GRIK2: variants seen among roughly 807,000 people sequenced by gnomAD.
The protein encoded by GRIK2 is glutamate ionotropic receptor kainate type subunit 2, also known as glutamate receptor ionotropic, kainate 2.
A neutral mutation model predicts 100.3 loss-of-function variants in GRIK2; 32 were observed. The ratio of observed to expected loss-of-function variants is 0.32; its 90% CI spans 0.24 to 0.43. The LOEUF is 0.43. Among genes scored for constraint, GRIK2 ranks in the 20% least tolerant of loss-of-function variants. The pLI, the probability that GRIK2 is intolerant of heterozygous loss-of-function variation, is 1.00. For missense variants in GRIK2, 843 were observed against 1,114.9 expected (o/e 0.76, Z 3.47); for synonymous variants, 417 against 389.4 (o/e 1.07, Z -0.83).
intron 7 of GRIK2, among the ~76,000 whole-genome samples, chr6:101,697,741 C>G (rs954324689): frequency 6.6e-6 from 1 of 151,986 alleles, no homozygotes; most frequent in Non-Finnish European, 1.5e-5. Context: ...AAACAGTCTG[C>G]TTATTCCTTC....
chr6:101,747,206 G>A (rs531875214), intron 7 of GRIK2, among the ~76,000 whole-genome samples: 1 of 152,260 alleles, frequency 6.6e-6, no homozygotes, highest in Non-Finnish European at 1.5e-5. Context: ...ATGGGAGGAA[G>A]AATTTTAACA....
At chr6:101,708,537 C>A (rs1391670799) in intron 7 of GRIK2, among the ~76,000 whole-genome samples, 1 of 151,600 alleles carries the variant, frequency 6.6e-6, no homozygotes, top group East Asian at 1.9e-4. Context: ...CATTGTCACT[C>A]TTTAAAATTT....
chr6:102,035,685 C>T (rs1480537045), intron 15 of GRIK2, 119 bp downstream of exon 15: 2 of 612,240 alleles, frequency 3.3e-6, no homozygotes, highest in East Asian at 5.3e-5. Context: ...ATGCATCCTG[C>T]TACCTCTCTG....
intron 2 of GRIK2, among the ~76,000 whole-genome samples, chr6:101,559,639 A>C (rs762218996): frequency 3.9e-5 from 6 of 152,158 alleles, no homozygotes; most frequent in African/African-American, 7.2e-5. Flanking sequence ...TTATTATTTA[A>C]TACCTCCATC....
intron 11 of GRIK2, among the ~76,000 whole-genome samples, chr6:101,888,381 G>A (rs1280283844): frequency 1.3e-5 from 2 of 152,142 alleles, no homozygotes; most frequent in Admixed American, 1.3e-4. Flanking sequence ...GACAATTCCT[G>A]TGAAGTTCTT....
chr6:101,871,429 G>C (rs995696342), intron 11 of GRIK2, among the ~76,000 whole-genome samples: 3 of 151,354 alleles, frequency 2.0e-5, no homozygotes, highest in Admixed American at 6.6e-5. Flanking sequence ...AGATTTATTA[G>C]ATGGCTATGT....
intron 2 of GRIK2, among the ~76,000 whole-genome samples, chr6:101,518,049 A>G (rs182375924): frequency 6.6e-6 from 1 of 152,108 alleles, no homozygotes; most frequent in East Asian, 1.9e-4. Flanking sequence ...TTTAAACATG[A>G]AAAATAACTT....
At chr6:101,774,586 T>G (rs1201439375) in intron 7 of GRIK2, among the ~76,000 whole-genome samples, 1 of 152,168 alleles carries the variant, frequency 6.6e-6, no homozygotes, top group African/African-American at 2.4e-5. Flanking sequence ...GATATCTCAA[T>G]GGACTGATCT....
chr6:101,756,532 G>A (rs1011013846), intron 7 of GRIK2, among the ~76,000 whole-genome samples: 2 of 134,824 alleles, frequency 1.5e-5, no homozygotes, highest in Non-Finnish European at 3.1e-5. Flanking sequence ...TAAAAGATAC[G>A]TTTTCTCCTA....
At chr6:101,687,195 A>C (rs79685202) in intron 7 of GRIK2, among the ~76,000 whole-genome samples, 2,563 of 152,128 alleles carry the variant, frequency 0.017, 71 homozygotes, top group African/African-American at 0.059. Flanking sequence ...CATTTCAGTC[A>C]TATTTACTCT....
intron 4 of GRIK2, among the ~76,000 whole-genome samples, chr6:101,638,250 A>G (rs535363201): frequency 3.3e-4 from 49 of 150,290 alleles, no homozygotes; most frequent in Non-Finnish European, 6.2e-4. Flanking sequence ...GCACTGTTCT[A>G]GGTACCGGAG....
chr6:101,963,631 C>T (rs1223046), intron 14 of GRIK2, among the ~76,000 whole-genome samples: 3,899 of 150,422 alleles, frequency 0.026, 189 homozygotes, highest in African/African-American at 0.091. Context: ...GGATTACAGG[C>T]GTGAGCCACC....
rs759453868 is a variant in GRIK2, at chr6:102,035,497, C to T, written c.2242C>T (p.Arg748Trp). Reference sequence around the variant, plus strand: ...AACAACCATCGAGTTTGTTACCCAGCGGAACTGTAACCTGACACAGATTGG... The same window carrying T: ...AACAACCATCGAGTTTGTTACCCAGTGGAACTGTAACCTGACACAGATTGG... ...ESTTIEFVTQ[R>W]NCNLTQIGGL... The change falls in exon 15 of 17, where the codon CGG becomes TGG. Residue 748 changes from arginine to tryptophan, a missense_variant. Physicochemically the swap from Arg to Trp is moderately radical, Grantham distance 101 (BLOSUM62 -3). Coordinates refer to ENST00000369134, the MANE Select transcript of GRIK2 (RefSeq NM_021956.5). 6.2e-6 allele frequency: 10 copies of T among 1,609,768 alleles called. No homozygotes were observed. Among genetic ancestry groups the T allele is most frequent in the Admixed American group, 1.7e-5 (1 of 59,698 alleles).
At chr6:101,432,612 G>A (rs1054694183) in intron 2 of GRIK2, among the ~76,000 whole-genome samples, 3 of 152,186 alleles carry the variant, frequency 2.0e-5, no homozygotes, top group Admixed American at 1.3e-4. Context: ...AAATACAAAT[G>A]TGCACTTCTA....
chr6:101,450,302 T>C (rs185580383), intron 2 of GRIK2, among the ~76,000 whole-genome samples: 2 of 151,840 alleles, frequency 1.3e-5, no homozygotes, highest in Non-Finnish European at 3.0e-5. Flanking sequence ...AGAGCCATCA[T>C]AGGTTTTTTT....
At chr6:102,001,487 G>T (rs1794939611) in intron 14 of GRIK2, among the ~76,000 whole-genome samples, 1 of 151,634 alleles carries the variant, frequency 6.6e-6, no homozygotes, top group South Asian at 2.1e-4. Context: ...TTAGTTTGCT[G>T]AGAATGAAGG....
At position 101,830,901 on chromosome 6, in the gene GRIK2, T is replaced by C. The variant is rs555111091; in HGVS notation, c.1317+12418T>C. Reference sequence around the variant, plus strand: ...AATACTGTATGTTCTCACTTATAAGTGGGAGCTAAACATTGGTACACATGG... The same window carrying C: ...AATACTGTATGTTCTCACTTATAAGCGGGAGCTAAACATTGGTACACATGG... On this transcript the variant is annotated intron_variant, in intron 10 of 16. Coordinates refer to ENST00000369134, the MANE Select transcript of GRIK2 (RefSeq NM_021956.5). 2.6e-5 allele frequency among the ~76,000 whole-genome samples: 4 copies of C among 151,926 alleles called. No homozygotes were observed. In the East Asian group the frequency reaches 7.8e-4, roughly 29 times the overall value.
intron 7 of GRIK2, among the ~76,000 whole-genome samples, chr6:101,766,201 A>G (rs900357310): frequency 6.6e-6 from 1 of 151,980 alleles, no homozygotes; most frequent in Non-Finnish European, 1.5e-5. Flanking sequence ...GTTTATAATA[A>G]CTATTCGGTA....
intron 7 of GRIK2, among the ~76,000 whole-genome samples, chr6:101,743,753 A>G (rs1162083803): frequency 2.0e-5 from 3 of 152,142 alleles, no homozygotes; most frequent in African/African-American, 7.2e-5. Context: ...AATAATTAAA[A>G]ATTTCAGATA....
Sources: allele counts gnomAD v4.1 joint callset (sites outside exome capture counted in the v4.1 genomes callset), GRCh38; gene constraint gnomAD v4.1.1; transcripts MANE v1.5; gene names NCBI Gene and HGNC (gene_info 2026-07-23, HGNC 2026-07-21).